The following MAP3K5 variants were observed in gnomAD, a reference collection of about 807,000 sequenced individuals.
The protein encoded by MAP3K5 is mitogen-activated protein kinase kinase kinase 5.
Under a neutral mutation model 158.7 loss-of-function variants are expected in MAP3K5, and 56 were observed. The ratio of observed to expected loss-of-function variants is 0.35; its 90% CI spans 0.28 to 0.44. The LOEUF (loss-of-function observed/expected upper bound fraction) is 0.44, where lower values mean the gene tolerates loss of function less well. Among genes scored for constraint, MAP3K5 ranks in the 20% least tolerant of loss-of-function variants. The pLI is 1.00. For missense variants in MAP3K5, 1,294 were observed against 1,674.8 expected, an observed-to-expected ratio of 0.77 and a Z score of 3.97; for synonymous variants, 579 against 601.7, an observed-to-expected ratio of 0.96 and a Z score of 0.55.
chr6:136,626,059 AG>A (rs1777021783), intron 14 of MAP3K5, among the ~76,000 whole-genome samples: 1 of 152,210 alleles, frequency 6.6e-6, no homozygotes, highest in African/African-American at 2.4e-5. Context: ...AGATCATAAA[AG>A]GGCAAATTAC....
intron 23 of MAP3K5, among the ~76,000 whole-genome samples, chr6:136,587,739 AT>A (rs1258929204): frequency 3.3e-5 from 5 of 152,200 alleles, no homozygotes; most frequent in Non-Finnish European, 5.9e-5. Flanking sequence ...TGTGATTCTG[AT>A]CAGCAGTTTC....
rs79688055 is a variant in MAP3K5, at chr6:136,599,813, C to T, written c.2878+1209G>A. On this transcript the variant is annotated intron_variant, in intron 21 of 29. Transcript: ENST00000359015. ...TCTGTGTAATTCTGAAGTCAGTGCCCATTTTAGGACACCAGAAGCAGGCTG... is the reference window on the plus strand; with the variant it reads ...TCTGTGTAATTCTGAAGTCAGTGCCTATTTTAGGACACCAGAAGCAGGCTG... 5.6e-3 allele frequency among the ~76,000 whole-genome samples: 851 copies of T among 152,244 alleles called. 8 individuals are homozygous for T. Among genetic ancestry groups the T allele is most frequent in the African/African-American group, 0.02 (816 of 41,546 alleles).
chr6:136,561,670 T>C, intron 27 of MAP3K5, 25 bp from the exon 28 acceptor site: 1 of 1,338,026 alleles, frequency 7.5e-7, no homozygotes, highest in Non-Finnish European at 1.1e-6. Flanking sequence ...TGGGAAGATA[T>C]TCTTAATTTC....
chr6:136,579,547 A>C (rs1018831771), intron 25 of MAP3K5, among the ~76,000 whole-genome samples: 1 of 152,216 alleles, frequency 6.6e-6, no homozygotes, highest in African/African-American at 2.4e-5. Flanking sequence ...ATGATACTAT[A>C]ATGGTGGATA....
chr6:136,770,164 T>C (rs903569616), intron 1 of MAP3K5, among the ~76,000 whole-genome samples: 7 of 152,136 alleles, frequency 4.6e-5, no homozygotes, highest in African/African-American at 1.7e-4. Context: ...ACCATGTTTA[T>C]TTTTTTGAGA....
intron 18 of MAP3K5, among the ~76,000 whole-genome samples, chr6:136,606,872 T>C (rs1003052207): frequency 6.6e-6 from 1 of 152,244 alleles, no homozygotes; most frequent in African/African-American, 2.4e-5. Flanking sequence ...TGAAAAGCAC[T>C]ATCATAGGTG....
At chr6:136,763,542 A>G (rs1288693574) in intron 1 of MAP3K5, among the ~76,000 whole-genome samples, 1 of 152,190 alleles carries the variant, frequency 6.6e-6, no homozygotes, top group Non-Finnish European at 1.5e-5. Context: ...AGGGAAAAAA[A>G]AGTTTTCACG....
In MAP3K5 at chr6:136,791,850, C is replaced by T; in HGVS notation, c.308G>A (p.Gly103Glu). Residue 103 changes from glycine to glutamate, a missense_variant, in exon 1 of 30, where the codon GGG (glycine) becomes GAG (glutamate). Gly to Glu is a moderately conservative substitution (Grantham distance 98). Around this residue, in one of 5 missense-constraint regions of MAP3K5, gnomAD observed 690 missense variants for 870.5 expected, o/e 0.79. Coordinates refer to ENST00000359015, the MANE Select transcript of MAP3K5 (RefSeq NM_005923.4). ...VAYVINEASQGQLVVAESEAL... is the reference protein window; with the variant it reads ...VAYVINEASQEQLVVAESEAL... Reference sequence around the variant, plus strand: ...CTCGCTCTCGGCCACCACCAGTTGCCCTTGGCTCGCTTCGTTGATCACATA... The same window carrying T: ...CTCGCTCTCGGCCACCACCAGTTGCTCTTGGCTCGCTTCGTTGATCACATA... The T allele has an allele frequency of 6.2e-7, 1 of 1,613,848 alleles. No individual in the cohort carries two copies. Among genetic ancestry groups the T allele is most frequent in the Non-Finnish European group, 8.5e-7 (1 of 1,180,012 alleles).
intron 1 of MAP3K5, among the ~76,000 whole-genome samples, chr6:136,754,580 C>G (rs1432913344): frequency 8.5e-6 from 1 of 118,240 alleles, no homozygotes; most frequent in East Asian, 2.3e-4. Flanking sequence ...AGAGACCGCT[C>G]TCAAAAAAAA....
At chr6:136,663,955 T>G (rs1779119749) in intron 8 of MAP3K5, among the ~76,000 whole-genome samples, 1 of 152,100 alleles carries the variant, frequency 6.6e-6, no homozygotes, top group Non-Finnish European at 1.5e-5. Flanking sequence ...ATTTTTTTTA[T>G]GACCCTGACT....
intron 1 of MAP3K5, among the ~76,000 whole-genome samples, chr6:136,721,664 T>C (rs1301309854): frequency 3.3e-5 from 5 of 152,228 alleles, no homozygotes; most frequent in African/African-American, 1.2e-4. Context: ...AAAAAACTCA[T>C]CAGCATCTCG....
At chr6:136,733,606 G>A (rs1018298069) in intron 1 of MAP3K5, among the ~76,000 whole-genome samples, 7 of 151,540 alleles carry the variant, frequency 4.6e-5, no homozygotes, top group African/African-American at 1.7e-4. Context: ...TTGTCTTTAA[G>A]TTAAAAAACA....
At chr6:136,636,072 C>T (rs1314791836) in intron 14 of MAP3K5, among the ~76,000 whole-genome samples, 1 of 152,064 alleles carries the variant, frequency 6.6e-6, no homozygotes, top group Non-Finnish European at 1.5e-5. Context: ...ATATAATTTT[C>T]AGTATGGCTT....
chr6:136,689,759 T>C (rs1366227793), intron 7 of MAP3K5, among the ~76,000 whole-genome samples: 2 of 152,206 alleles, frequency 1.3e-5, no homozygotes, highest in African/African-American at 2.4e-5. Context: ...GATCTTGGAC[T>C]TCCCAGCCTC....
intron 15 of MAP3K5, among the ~76,000 whole-genome samples, chr6:136,616,702 C>CGAT (rs113611680): frequency 0.014 from 2,186 of 151,198 alleles, 50 homozygotes; most frequent in African/African-American, 0.047. Context: ...TCAAGTAACT[C>CGAT]GATGATGATG....
At chr6:136,642,280 C>T (rs1778017012) in intron 12 of MAP3K5, among the ~76,000 whole-genome samples, 1 of 152,036 alleles carries the variant, frequency 6.6e-6, no homozygotes, top group Admixed American at 6.6e-5. Flanking sequence ...TTCACATTGA[C>T]CCCACAGTTA....
At chr6:136,658,574 C>T (rs774512686) in intron 9 of MAP3K5, among the ~76,000 whole-genome samples, 9 of 152,072 alleles carry the variant, frequency 5.9e-5, no homozygotes, top group Non-Finnish European at 1.2e-4. Context: ...CTCAGCCTCC[C>T]AAGTGCTGGG....
chr6:136,644,605 C>T (rs1337196258), intron 11 of MAP3K5, among the ~76,000 whole-genome samples: 1 of 152,248 alleles, frequency 6.6e-6, no homozygotes, highest in Non-Finnish European at 1.5e-5. Flanking sequence ...GTAGTAGGCA[C>T]TGTCAGCTCC....
chr6:136,590,090 T>C (rs1258843756), intron 23 of MAP3K5, among the ~76,000 whole-genome samples: 1 of 152,204 alleles, frequency 6.6e-6, no homozygotes, highest in African/African-American at 2.4e-5. Context: ...GAAAGCAAGA[T>C]GTCATAAAGC....
Sources: gnomAD v4.1 joint callset for allele counts (sites outside exome capture counted in the v4.1 genomes callset) on GRCh38, gnomAD v4.1.1 for gene constraint, gnomAD v4.1.1 regional missense constraint, MANE v1.5 for transcripts, NCBI Gene and HGNC (gene_info 2026-07-23, HGNC 2026-07-21) for gene names.